Variants in CATSPERB observed in about 807,000 individuals in gnomAD.
CATSPERB encodes the protein cation channel sperm-associated auxiliary subunit beta.
A neutral mutation model predicts 128.3 loss-of-function variants in CATSPERB; 93 were observed. That is an observed-to-expected ratio of 0.72 (90% CI 0.61 to 0.86). The LOEUF is 0.86. Among genes scored for constraint, CATSPERB ranks in the 40% least tolerant of loss-of-function variants. CATSPERB has a pLI of 0.00. For missense variants in CATSPERB, 1,153 were observed against 1,329.5 expected, an observed-to-expected ratio of 0.87 and a Z score of 2.06; for synonymous variants, 381 against 448.8, an observed-to-expected ratio of 0.85 and a Z score of 1.91.
chr14:91,598,217 C>G (rs189053000), intron 22 of CATSPERB, among the ~76,000 whole-genome samples: 43 of 151,676 alleles, frequency 2.8e-4, no homozygotes, highest in Non-Finnish European at 5.6e-4. Context: ...TTTTTTACAT[C>G]TTTTTTTATT....
At chr14:91,660,713 T>C (rs1445177416) in intron 14 of CATSPERB, among the ~76,000 whole-genome samples, 3 of 152,232 alleles carry the variant, frequency 2.0e-5, no homozygotes, top group Non-Finnish European at 4.4e-5. Context: ...TTTTCTTACA[T>C]TTCCAACTTT....
At position 91,694,989 on chromosome 14, in the gene CATSPERB, A is replaced by C. The variant is rs113558003; in HGVS notation, c.617-1510T>G. On this transcript the variant is annotated intron_variant, in intron 7 of 26. Transcript: ENST00000256343. ...GTCATATTTTGAAGTGTGAGTTTTA[A>C]CTCTCAGCTCTTTTCTGTTTAAGGA... 4.1e-3 allele frequency among the ~76,000 whole-genome samples: 631 copies of C among 152,254 alleles called. 8 individuals carry two copies. Among genetic ancestry groups the C allele is most frequent in the African/African-American group, 0.014 (589 of 41,534 alleles).
chr14:91,697,704 T>C (rs1428743983), intron 7 of CATSPERB, among the ~76,000 whole-genome samples: 4 of 152,204 alleles, frequency 2.6e-5, no homozygotes, highest in Non-Finnish European at 4.4e-5. Flanking sequence ...TGTGGCTTTA[T>C]TTCTGGATCC....
chr14:91,685,996 T>A (rs942678506), intron 10 of CATSPERB, among the ~76,000 whole-genome samples: 2 of 152,166 alleles, frequency 1.3e-5, no homozygotes, highest in Non-Finnish European at 2.9e-5. Flanking sequence ...TCATGCCAAA[T>A]CCCTAATTTA....
intron 26 of CATSPERB, among the ~76,000 whole-genome samples, chr14:91,586,152 C>T (rs1246282088): frequency 2.0e-5 from 3 of 152,128 alleles, no homozygotes; most frequent in Non-Finnish European, 4.4e-5. Flanking sequence ...CAGCTTCTTC[C>T]TGGTGCTAGT....
At chr14:91,606,505 G>A (rs1379126684) in intron 22 of CATSPERB, among the ~76,000 whole-genome samples, 1 of 152,206 alleles carries the variant, frequency 6.6e-6, no homozygotes, top group Non-Finnish European at 1.5e-5. Context: ...GGAGGTTGCA[G>A]TGAGCTGAGA....
At chr14:91,654,765 T>C (rs1315667784) in intron 15 of CATSPERB, among the ~76,000 whole-genome samples, 1 of 152,092 alleles carries the variant, frequency 6.6e-6, no homozygotes, top group Non-Finnish European at 1.5e-5. Context: ...ACATAGGTAG[T>C]AGCCAGGCAG....
chr14:91,583,797 A>G (rs540163388), intron 26 of CATSPERB, among the ~76,000 whole-genome samples: 5 of 151,254 alleles, frequency 3.3e-5, no homozygotes, highest in East Asian at 3.9e-4. Flanking sequence ...TTTTTTCTTC[A>G]GTTATCCCCA....
intron 22 of CATSPERB, among the ~76,000 whole-genome samples, chr14:91,596,389 G>C (rs1893506168): frequency 6.6e-6 from 1 of 152,052 alleles, no homozygotes; most frequent in South Asian, 2.1e-4. Context: ...ATTTTTAGTA[G>C]AGATGGGGTT....
chr14:91,639,540 T>A lies in CATSPERB; in HGVS notation c.1433-290A>T, dbSNP rs78533810. Among the ~76,000 whole-genome samples the A allele has an allele frequency of 6.8e-3, 1,029 of 152,284 alleles. 2 individuals carry two copies. The highest frequency in any genetic ancestry group is 0.011 in the Non-Finnish European group (754 of 68,022). ...CGGTTAGGTCTCTCTAGTAGTGGTTTCTCTTCCTATTACCAGCAAATCAGA... is the reference window on the plus strand; with the variant it reads ...CGGTTAGGTCTCTCTAGTAGTGGTTACTCTTCCTATTACCAGCAAATCAGA... On this transcript the variant is annotated intron_variant, in intron 15 of 26. Coordinates refer to ENST00000256343, the MANE Select transcript of CATSPERB (RefSeq NM_024764.4).
chr14:91,587,365 C>A, intron 25 of CATSPERB, 89 bp from the exon 26 acceptor site: 1 of 795,530 alleles, frequency 1.3e-6, no homozygotes, highest in Non-Finnish European at 1.9e-6. Flanking sequence ...GGCCACTGTC[C>A]CTATAGATGC....
chr14:91,694,826 T>C (rs1365588301), intron 7 of CATSPERB, among the ~76,000 whole-genome samples: 2 of 152,180 alleles, frequency 1.3e-5, no homozygotes, highest in Non-Finnish European at 2.9e-5. Flanking sequence ...CTAGAGTCTT[T>C]TGTGTTTTAA....
At chr14:91,694,016 C>T (rs1038087476) in intron 7 of CATSPERB, among the ~76,000 whole-genome samples, 2 of 152,142 alleles carry the variant, frequency 1.3e-5, no homozygotes, top group Non-Finnish European at 2.9e-5. Context: ...GCTAATTGTT[C>T]CTTGATTCCT....
At chr14:91,608,433 C>A in intron 21 of CATSPERB, 29 bp from the exon 22 acceptor site, 1 of 1,225,256 alleles carries the variant, frequency 8.2e-7, no homozygotes, top group Non-Finnish European at 1.2e-6. Flanking sequence ...AGAAAATGTA[C>A]AATTCATTAT....
At chr14:91,599,537 C>T (rs1283807307) in intron 22 of CATSPERB, among the ~76,000 whole-genome samples, 59 of 80,676 alleles carry the variant, frequency 7.3e-4, no homozygotes, top group African/African-American at 2.1e-3. Context: ...CCAGCCTGGG[C>T]GGCAGAGCAA....
chr14:91,618,179 G>C (rs908167919), intron 19 of CATSPERB, among the ~76,000 whole-genome samples: 1 of 152,162 alleles, frequency 6.6e-6, no homozygotes, highest in African/African-American at 2.4e-5. Flanking sequence ...AAACTGTCAT[G>C]GTGCTGGTGG....
chr14:91,711,015 A>G (rs1252605950), intron 5 of CATSPERB, among the ~76,000 whole-genome samples: 1 of 152,100 alleles, frequency 6.6e-6, no homozygotes, highest in Non-Finnish European at 1.5e-5. Flanking sequence ...GTGACCAAAT[A>G]TAATGCTTGT....
At chr14:91,639,304 A>G (rs1452017940) in intron 15 of CATSPERB, 54 bp from the exon 16 acceptor site, 7 of 1,470,446 alleles carry the variant, frequency 4.8e-6, no homozygotes, top group Non-Finnish European at 5.6e-6. Flanking sequence ...AAGTCGAAAA[A>G]CTTTAATATC....
intron 15 of CATSPERB, among the ~76,000 whole-genome samples, chr14:91,650,817 C>T (rs1894692171): frequency 6.6e-6 from 1 of 152,064 alleles, no homozygotes; most frequent in African/African-American, 2.4e-5. Context: ...TACAATTTTG[C>T]AGTTCCTGAA....
Sources: gnomAD v4.1 joint callset for allele counts (sites outside exome capture counted in the v4.1 genomes callset) on GRCh38, gnomAD v4.1.1 for gene constraint, MANE v1.5 for transcripts, NCBI Gene and HGNC (gene_info 2026-07-23, HGNC 2026-07-21) for gene names.